Variants in ADGRB3 observed in about 807,000 individuals in gnomAD.
ADGRB3 encodes the protein adhesion G protein-coupled receptor B3, also known as brain-specific angiogenesis inhibitor 3.
In ADGRB3, 37 loss-of-function variants were observed where a neutral mutation model predicts 193.4. The ratio of observed to expected loss-of-function variants is 0.19; its 90% CI spans 0.15 to 0.25. ADGRB3 has a LOEUF of 0.25. Ranked by LOEUF, ADGRB3 falls within the 10% of genes least tolerant of loss-of-function variation. The probability of loss-of-function intolerance (pLI) is 1.00; values close to 1 mark genes in which losing one functional copy is unlikely to be tolerated. For synonymous variants in ADGRB3, 690 were observed against 644.2 expected (o/e 1.07, Z -1.08); for missense variants, 1,637 against 1,852.9 (o/e 0.88, Z 2.14).
intron 3 of ADGRB3, among the ~76,000 whole-genome samples, chr6:68,750,181 A>C (rs1766168330): frequency 1.3e-5 from 2 of 152,210 alleles, no homozygotes; most frequent in Admixed American, 6.5e-5. Context: ...AAAAGTAGTA[A>C]GTTTTAGAAC....
rs757940321 is a variant in ADGRB3, at chr6:68,930,578, T to C, written c.777T>C (p.Asp259=). The C allele has an allele frequency of 1.9e-6, 3 of 1,611,476 alleles. No individual in the cohort carries two copies. The South Asian group carries it at 3.3e-5, about 18-fold the overall frequency. ...PPKEEFGMMG[D]HTIKSQRPRS... ...CTTTAGAATTTGGAATGATGGGAGATCATACAATTAAAAGTCAGCGACCTC... is the reference window on the plus strand; with the variant it reads ...CTTTAGAATTTGGAATGATGGGAGACCATACAATTAAAAGTCAGCGACCTC... Residue 259 remains aspartate (D), a synonymous_variant, in exon 4 of 32, where the codon GAT becomes GAC. Transcript: ENST00000370598.
chr6:68,840,233 C>T (rs1768125210), intron 3 of ADGRB3, among the ~76,000 whole-genome samples: 1 of 151,874 alleles, frequency 6.6e-6, no homozygotes, highest in South Asian at 2.1e-4. Flanking sequence ...CTGGGGTGGC[C>T]AAAGATGTTG....
At chr6:69,167,042 T>C (rs1210469124) in intron 17 of ADGRB3, among the ~76,000 whole-genome samples, 1 of 152,164 alleles carries the variant, frequency 6.6e-6, no homozygotes, top group East Asian at 1.9e-4. Context: ...TGTTCTGCTG[T>C]ATGTTTATTT....
intron 16 of ADGRB3, among the ~76,000 whole-genome samples, chr6:69,074,209 A>G (rs1001751010): frequency 3.3e-5 from 5 of 152,230 alleles, no homozygotes; most frequent in Admixed American, 6.5e-5. Context: ...TTTTTAGAAT[A>G]ACTGGGATGC....
At chr6:68,662,078 G>A (rs1484128545) in intron 3 of ADGRB3, among the ~76,000 whole-genome samples, 1 of 151,380 alleles carries the variant, frequency 6.6e-6, no homozygotes, top group African/African-American at 2.4e-5. Context: ...GGTTCAAGTC[G>A]AGCCAAGTAT....
intron 17 of ADGRB3, among the ~76,000 whole-genome samples, chr6:69,102,335 A>G (rs1266893796): frequency 6.6e-6 from 1 of 152,196 alleles, no homozygotes; most frequent in Non-Finnish European, 1.5e-5. Flanking sequence ...AATTTTTATA[A>G]ATAGCATTAA....
chr6:69,175,686 T>C (rs1775401587), intron 17 of ADGRB3, among the ~76,000 whole-genome samples: 1 of 152,238 alleles, frequency 6.6e-6, no homozygotes, highest in Non-Finnish European at 1.5e-5. Flanking sequence ...AACTATTTGG[T>C]ACCTTGATAG....
chr6:69,271,247 C>G (rs58558818), intron 20 of ADGRB3, among the ~76,000 whole-genome samples: 7,906 of 152,170 alleles, frequency 0.052, 241 homozygotes, highest in Non-Finnish European at 0.072. Context: ...GCTGAGAGGA[C>G]TGGTTGGCAG....
At chr6:68,911,197 C>A (rs1766696923) in intron 3 of ADGRB3, among the ~76,000 whole-genome samples, 1 of 140,544 alleles carries the variant, frequency 7.1e-6, no homozygotes, top group Admixed American at 8.0e-5. Flanking sequence ...TGTTCTCATT[C>A]ATAGGTGGGA....
chr6:68,822,158 C>A (rs1165394769), intron 3 of ADGRB3, among the ~76,000 whole-genome samples: 1 of 151,638 alleles, frequency 6.6e-6, no homozygotes, highest in Non-Finnish European at 1.5e-5. Context: ...AAAAAGAAAG[C>A]GGATGACATT....
intron 13 of ADGRB3, among the ~76,000 whole-genome samples, chr6:69,028,845 T>C (rs117271109): frequency 6.6e-6 from 1 of 152,158 alleles, no homozygotes; most frequent in African/African-American, 2.4e-5. Context: ...TTTTTATTTG[T>C]TTTTTCCCCT....
intron 20 of ADGRB3, among the ~76,000 whole-genome samples, chr6:69,247,020 C>T (rs1256764923): frequency 6.6e-6 from 1 of 152,168 alleles, no homozygotes; most frequent in Admixed American, 6.6e-5. Flanking sequence ...TCTCCATCCC[C>T]ACCACCCCTG....
chr6:69,315,322 C>G (rs531525962), intron 20 of ADGRB3, among the ~76,000 whole-genome samples: 8 of 151,634 alleles, frequency 5.3e-5, no homozygotes, highest in African/African-American at 1.9e-4. Context: ...TCCTCTACAG[C>G]ATTGCTTCAA....
chr6:68,759,916 T>A (rs1047424636), intron 3 of ADGRB3, among the ~76,000 whole-genome samples: 3 of 152,112 alleles, frequency 2.0e-5, no homozygotes, highest in African/African-American at 7.2e-5. Flanking sequence ...TCTCATAGAT[T>A]TTTATTCATT....
At chr6:69,224,799 C>G (rs1765974499) in intron 17 of ADGRB3, among the ~76,000 whole-genome samples, 1 of 151,928 alleles carries the variant, frequency 6.6e-6, no homozygotes, top group Non-Finnish European at 1.5e-5. Context: ...ATGGCTGAAG[C>G]AAATGTTTTG....
At chr6:69,327,990 T>A in intron 22 of ADGRB3, 101 bp downstream of exon 22, 1 of 966,524 alleles carries the variant, frequency 1.0e-6, no homozygotes, top group Non-Finnish European at 1.5e-6. Flanking sequence ...ATGGAATCAT[T>A]AACAATGGTA....
intron 3 of ADGRB3, among the ~76,000 whole-genome samples, chr6:68,682,784 CT>C (rs1175000428): frequency 1.9e-4 from 27 of 144,630 alleles, no homozygotes; most frequent in Admixed American, 1.5e-3. Flanking sequence ...TTTTTTTTTT[CT>C]TTTTTTTTTG....
chr6:68,943,056 A>G (rs1055825150), intron 5 of ADGRB3, among the ~76,000 whole-genome samples: 6 of 152,226 alleles, frequency 3.9e-5, no homozygotes, highest in Admixed American at 1.3e-4. Flanking sequence ...ATTCATATTT[A>G]TGTTAAGCAT....
intron 20 of ADGRB3, 129 bp from the exon 21 acceptor site, chr6:69,324,743 C>G (rs1561987818): frequency 1.9e-6 from 2 of 1,030,252 alleles, no homozygotes; most frequent in Non-Finnish European, 1.4e-6. Flanking sequence ...AATAATTACT[C>G]TTGTCACTGA....
Sources: gnomAD v4.1 joint callset for allele counts (sites outside exome capture counted in the v4.1 genomes callset) on GRCh38, gnomAD v4.1.1 for gene constraint, MANE v1.5 for transcripts, NCBI Gene and HGNC (gene_info 2026-07-23, HGNC 2026-07-21) for gene names.